The following ZNF212 variants were observed in gnomAD, a reference collection of about 807,000 sequenced individuals.
ZNF212 encodes the protein Zinc finger protein C2H2-150.
Under a neutral mutation model 47.3 loss-of-function variants are expected in ZNF212, and 32 were observed. The observed-to-expected ratio is 0.68, with a 90% CI of 0.51 to 0.91. The LOEUF is 0.91. ZNF212 is among the 40% of genes least tolerant of loss of function. The pLI is 0.00. For synonymous variants in ZNF212, 242 were observed against 253.8 expected, an observed-to-expected ratio of 0.95 and a Z score of 0.44; for missense variants, 555 against 622.8, an observed-to-expected ratio of 0.89 and a Z score of 1.16.
rs1161988591 is a variant in ZNF212 at position 149,250,547 on chromosome 7, A to C, written c.413A>C (p.Lys138Thr). ...CCGGGCAGCAAGGGGGAGGCCCCCA[A>C]GGTAGTCTCATTGAGGATTAAAAGT... ...LPPGSKGEAP[K>T]VSRSLENDGV... is the part of the protein sequence containing the mutation. The change falls in exon 2 of 5, where the codon AAG becomes ACG. Residue 138 changes from lysine to threonine, a missense_variant and splice_region_variant. Coordinates refer to ENST00000335870, the MANE Select transcript of ZNF212 (RefSeq NM_012256.4). The C allele has an allele frequency of 6.2e-7, 1 of 1,610,318 alleles. No individual in the cohort carries two copies. The highest frequency in any genetic ancestry group is 8.5e-7 in the Non-Finnish European group (1 of 1,178,068).
chr7:149,249,587 A>G (rs1796723894), intron 1 of ZNF212, among the ~76,000 whole-genome samples: 1 of 152,186 alleles, frequency 6.6e-6, no homozygotes, highest in Non-Finnish European at 1.5e-5. Flanking sequence ...TAAAAGATGA[A>G]AAAAAACTTT....
At chr7:149,245,154 G>T (rs1290941948) in intron 1 of ZNF212, among the ~76,000 whole-genome samples, 2 of 152,028 alleles carry the variant, frequency 1.3e-5, no homozygotes, top group African/African-American at 2.4e-5. Flanking sequence ...TTTGAGACCC[G>T]CCTGGGCAAC....
Position 149,254,293 on chromosome 7 carries a change from A to C in ZNF212, c.1366A>C (p.Ser456Arg), listed in dbSNP as rs1161977054. ...CATCCACACGGGTGAGCGGCCCTAC[A>C]GCTGCACTGAGTGTGAGAAGAGCTT... ...QRIHTGERPY[S>R]CTECEKSFVQ... Residue 456 changes from serine to arginine, a missense_variant, in exon 5 of 5, where the codon AGC becomes CGC. Transcript: ENST00000335870. This position sits in a 1 kb window ranked among gnomAD's most constrained non-coding sequence, Gnocchi z 4.5. The C allele has an allele frequency of 1.9e-6, 3 of 1,614,156 alleles. No individual in the cohort carries two copies. The highest frequency in any genetic ancestry group is 1.7e-6 in the Non-Finnish European group (2 of 1,180,052).
Position 149,252,745 on chromosome 7 carries a change from C to T in ZNF212, c.581C>T (p.Thr194Ile), listed in dbSNP as rs983471568. The change falls in exon 4 of 5, where the codon ACA (threonine) becomes ATA (isoleucine). Residue 194 changes from threonine (T) to isoleucine (I), a missense_variant. Physicochemically the swap from Thr to Ile is moderately conservative, Grantham distance 89. Coordinates refer to ENST00000335870, the MANE Select transcript of ZNF212 (RefSeq NM_012256.4). The stretch of plus-strand genomic sequence containing the variant: ...ACAGAGGGAGAAGCGGAGTTGGGTA[C>T]AGAGATGCTGGGTGACTTGGAAGAG... ...GQTEGEAELGTEMLGDLEEEG... is the reference protein window; with the variant it reads ...GQTEGEAELGIEMLGDLEEEG... 3.7e-6 allele frequency: 6 copies of T among 1,614,112 alleles called. No homozygotes were observed. The highest frequency in any genetic ancestry group is 5.1e-6 in the Non-Finnish European group (6 of 1,180,026).
rs1796797204 is a variant in ZNF212 at position 149,253,964 on chromosome 7, C to T, written c.1037C>T (p.Pro346Leu). Residue 346 changes from proline to leucine, a missense_variant, in exon 5 of 5, where the codon CCT becomes CTT. Physicochemically the swap from Pro to Leu is moderately conservative, Grantham distance 98 (BLOSUM62 -3). Transcript: ENST00000335870. ...RSHSGWGSCT[P>L]EEPEESLRPR... is the part of the protein sequence containing the mutation. ...CACTCTGGGTGGGGGTCTTGTACACCTGAGGAGCCAGAGGAGAGCCTTAGG... is the reference window on the plus strand; with the variant it reads ...CACTCTGGGTGGGGGTCTTGTACACTTGAGGAGCCAGAGGAGAGCCTTAGG... 1 of 1,613,886 alleles carries T rather than the reference C, an allele frequency of 6.2e-7. No homozygotes were observed. The highest frequency in any genetic ancestry group is 1.3e-5 in the African/African-American group (1 of 74,924).
chr7:149,239,701 C>A lies in ZNF212; in HGVS notation c.-78C>A. ...GGCGGCGGCGGCGGCTTCCAACAGG[C>A]TCTGGGGCGCCGAGCGGACAGGAAC... On this transcript the variant is annotated 5_prime_UTR_variant, in exon 1 of 5. Coordinates refer to ENST00000335870, the MANE Select transcript of ZNF212 (RefSeq NM_012256.4). The A allele has an allele frequency of 1.7e-6, 2 of 1,192,770 alleles. No homozygotes were observed. Among genetic ancestry groups the A allele is most frequent in the South Asian group, 3.4e-5 (1 of 29,068 alleles). 73.9% of individuals were successfully genotyped at this position (1,192,770 alleles called of 1,614,324 possible).
rs922522875 is a variant in ZNF212 at position 149,254,697 on chromosome 7, AC to A, written c.*286del. ...CTTGTGGGCTGGGGTTGGCGTTCTG[AC>A]CCCACAGGGACTGGTGGCTGGTTCC... On this transcript the variant is annotated 3_prime_UTR_variant, in exon 5 of 5. Transcript: ENST00000335870. The surrounding 1 kb of genome is among the most constrained non-coding windows in gnomAD (Gnocchi z 4.5). The A allele has an allele frequency of 1.8e-4, 74 of 405,744 alleles. No homozygotes were observed. Among genetic ancestry groups the A allele is most frequent in the African/African-American group, 1.4e-3 (71 of 49,274 alleles). 25.1% of individuals were successfully genotyped at this position (405,744 alleles called of 1,614,324 possible). A position where few individuals can be genotyped will look rare whatever the true frequency, so the allele number is the denominator to read the frequency against.
At position 149,251,941 on chromosome 7, in the gene ZNF212, T is replaced by TAAA. The variant is rs36067111; in HGVS notation, c.542-745_542-743dup. Among the ~76,000 whole-genome samples, 193 of 109,520 alleles carry TAAA rather than the reference T, an allele frequency of 1.8e-3. 5 individuals carry two copies. The highest frequency in any genetic ancestry group is 1.9e-3 in the Non-Finnish European group (104 of 54,544). The allele number at this position is 109,520 out of a possible 152,430, so 71.8% of individuals were successfully genotyped here. ...TCGACATAGTGAGATCTCTGTTGCT[T>TAAA]AAAAAAAAAAAAAAAAAAAAAAGAT... On this transcript the variant is annotated intron_variant, in intron 3 of 4. Coordinates refer to ENST00000335870, the MANE Select transcript of ZNF212 (RefSeq NM_012256.4).
Position 149,253,938 on chromosome 7 carries a change from C to T in ZNF212, c.1011C>T (p.Ser337=). ...YKQQLATHLR[S]HSGWGSCTPE... ...AGCAGCTGGCCACACATCTGCGCAG[C>T]CACTCTGGGTGGGGGTCTTGTACAC... The change falls in exon 5 of 5, where the codon AGC becomes AGT. Residue 337 remains serine (S), a synonymous_variant. Transcript: ENST00000335870. 2 of 1,614,002 alleles carry T rather than the reference C, an allele frequency of 1.2e-6. No homozygotes were observed. Among genetic ancestry groups the T allele is most frequent in the Non-Finnish European group, 1.7e-6 (2 of 1,180,010 alleles).
Position 149,239,702 on chromosome 7 carries a change from T to C in ZNF212, c.-77T>C. ...GCGGCGGCGGCGGCTTCCAACAGGC[T>C]CTGGGGCGCCGAGCGGACAGGAACG... On this transcript the variant is annotated 5_prime_UTR_variant, in exon 1 of 5. Transcript: ENST00000335870. 8.3e-7 allele frequency: 1 copy of C among 1,202,534 alleles called. No homozygotes were observed. Among genetic ancestry groups the C allele is most frequent in the Non-Finnish European group, 1.1e-6 (1 of 943,394 alleles). 74.5% of individuals were successfully genotyped at this position (1,202,534 alleles called of 1,614,324 possible).
intron 1 of ZNF212, among the ~76,000 whole-genome samples, chr7:149,242,809 G>C (rs1585590853): frequency 6.6e-6 from 1 of 152,154 alleles, no homozygotes; most frequent in Admixed American, 6.5e-5. Context: ...TGTTTAAAGG[G>C]CTTTGTTAAA....
At position 149,250,717 on chromosome 7, in the gene ZNF212, A is replaced by G; in HGVS notation, c.451A>G (p.Thr151Ala). The change falls in exon 3 of 5, where the codon ACC becomes GCC. Residue 151 changes from threonine (T) to alanine (A), a missense_variant. Transcript: ENST00000335870. The stretch of plus-strand genomic sequence containing the variant: ...ACTGGAGAATGATGGCGTCTGTTTC[A>G]CCGAGCAGGAATGGGAGAATCTGGA... ...RSLENDGVCF[T>A]EQEWENLEDW... 1 of 1,614,186 alleles carries G rather than the reference A, an allele frequency of 6.2e-7. No homozygotes were observed. Among genetic ancestry groups the G allele is most frequent in the Non-Finnish European group, 8.5e-7 (1 of 1,180,034 alleles).
intron 1 of ZNF212, among the ~76,000 whole-genome samples, chr7:149,240,790 G>A (rs1394355952): frequency 2.0e-5 from 3 of 152,194 alleles, no homozygotes; most frequent in Non-Finnish European, 4.4e-5. Flanking sequence ...AGAATGGAGG[G>A]CTAAGGAAAT....
intron 1 of ZNF212, among the ~76,000 whole-genome samples, chr7:149,241,431 C>CAAAA (rs35747561): frequency 1.2e-4 from 9 of 76,676 alleles, no homozygotes; most frequent in African/African-American, 2.6e-4. Context: ...GACTCTGTCT[C>CAAAA]AAAAAAAAAA....
At chr7:149,250,113 C>T (rs1433496134) in intron 1 of ZNF212, 46 bp from the exon 2 acceptor site, 9 of 1,463,862 alleles carry the variant, frequency 6.1e-6, no homozygotes, top group African/African-American at 1.4e-5. Context: ...GCTTTCTTTA[C>T]TTGATGTTTG....
At position 149,250,203 on chromosome 7, in the gene ZNF212, T is replaced by G. The variant is rs770638106; in HGVS notation, c.69T>G (p.Leu23=). The G allele has an allele frequency of 3.2e-6, 5 of 1,564,684 alleles. No homozygotes were observed. The African/African-American group carries it at 6.8e-5, about 21-fold the overall frequency. ...CCACACCTTTAACTTCTTCCACACT[T>G]CCTTCACAAGCAACAGAGAAAAGCT... The part of the protein sequence containing the change: ...RRSTPLTSST[L]PSQATEKSSY... The change falls in exon 2 of 5, where the codon CTT becomes CTG. Residue 23 remains leucine (L), a synonymous_variant. Coordinates refer to ENST00000335870, the MANE Select transcript of ZNF212 (RefSeq NM_012256.4).
chr7:149,239,832 G>C (rs1796560825), intron 1 of ZNF212, 30 bp downstream of exon 1: 1 of 1,267,748 alleles, frequency 7.9e-7, no homozygotes, highest in Non-Finnish European at 1.0e-6. Flanking sequence ...CTGGCTCGAG[G>C]GCGCGTTGGG....
chr7:149,247,069 C>T (rs1796689647), intron 1 of ZNF212, among the ~76,000 whole-genome samples: 1 of 151,712 alleles, frequency 6.6e-6, no homozygotes, highest in East Asian at 1.9e-4. Flanking sequence ...GCCTCGGCCT[C>T]CCAAAGTGCT....
intron 1 of ZNF212, among the ~76,000 whole-genome samples, chr7:149,241,038 G>C (rs1481223616): frequency 6.6e-6 from 1 of 152,212 alleles, no homozygotes; most frequent in Non-Finnish European, 1.5e-5. Flanking sequence ...GATCTAGTTA[G>C]TGTTAGAGTC....
Sources: allele counts gnomAD v4.1 joint callset (sites outside exome capture counted in the v4.1 genomes callset), GRCh38; gene constraint gnomAD v4.1.1; non-coding constraint Gnocchi (gnomAD v3.1); transcripts MANE v1.5; gene names NCBI Gene and HGNC (gene_info 2026-07-23, HGNC 2026-07-21).